Variants in MEIS2 observed in about 807,000 individuals in gnomAD.
MEIS2 encodes Meis homeobox 2.
Under a neutral mutation model 58.6 loss-of-function variants are expected in MEIS2, and 9 were observed. The ratio of observed to expected loss-of-function variants is 0.15; its 90% CI spans 0.09 to 0.27. The LOEUF is 0.27. Ranked by LOEUF, MEIS2 falls within the 10% of genes least tolerant of loss-of-function variation. The pLI is 1.00. For missense variants in MEIS2, 427 were observed against 635.0 expected, an observed-to-expected ratio of 0.67 and a Z score of 3.52; for synonymous variants, 221 against 228.4, an observed-to-expected ratio of 0.97 and a Z score of 0.29.
intron 8 of MEIS2, among the ~76,000 whole-genome samples, chr15:36,951,337 C>A (rs993875171): frequency 2.0e-5 from 3 of 151,996 alleles, no homozygotes; most frequent in African/African-American, 7.2e-5. Flanking sequence ...CACTGATTTT[C>A]TTAAACAAAA....
intron 7 of MEIS2, among the ~76,000 whole-genome samples, chr15:37,070,083 C>G (rs931895308): frequency 6.6e-6 from 1 of 152,070 alleles, no homozygotes; most frequent in African/African-American, 2.4e-5. Context: ...CTCATTTATA[C>G]ATTTTAGAGG....
chr15:37,077,148 G>A (rs760702349), intron 7 of MEIS2, among the ~76,000 whole-genome samples: 1 of 152,052 alleles, frequency 6.6e-6, no homozygotes, highest in East Asian at 1.9e-4. Flanking sequence ...TACTAACTCA[G>A]TAGTGACATA....
chr15:36,957,979 C>T lies in MEIS2; in HGVS notation c.901-7579G>A, dbSNP rs562353845. ...ATGTTTGGTGTTATGGAAATGCAGG[C>T]TTCACATTCAAATTAGTAATGTTTT... On this transcript the variant is annotated intron_variant, in intron 8 of 11. Coordinates refer to ENST00000561208, the MANE Select transcript of MEIS2 (RefSeq NM_170675.5). 2.0e-5 allele frequency among the ~76,000 whole-genome samples: 3 copies of T among 152,244 alleles called. No homozygotes were observed. In the South Asian group the frequency reaches 6.2e-4, roughly 32 times the overall value.
At chr15:37,072,504 T>C (rs1713405459) in intron 7 of MEIS2, among the ~76,000 whole-genome samples, 2 of 152,246 alleles carry the variant, frequency 1.3e-5, no homozygotes, top group Non-Finnish European at 2.9e-5. Context: ...CCTCTTTTTT[T>C]TCACCATGCA....
At chr15:36,927,599 T>C (rs1442528465) in intron 9 of MEIS2, among the ~76,000 whole-genome samples, 1 of 151,758 alleles carries the variant, frequency 6.6e-6, no homozygotes, top group Admixed American at 6.6e-5. Flanking sequence ...TCTCACAGCA[T>C]CTTGACGTTA....
At chr15:37,013,934 C>G (rs184500497) in intron 8 of MEIS2, among the ~76,000 whole-genome samples, 1 of 152,240 alleles carries the variant, frequency 6.6e-6, no homozygotes, top group Non-Finnish European at 1.5e-5. Flanking sequence ...TAACTTCACA[C>G]TTGAGCATAC....
chr15:37,015,156 G>A (rs1221053592), intron 8 of MEIS2, among the ~76,000 whole-genome samples: 1 of 152,196 alleles, frequency 6.6e-6, no homozygotes, highest in Non-Finnish European at 1.5e-5. Context: ...GAAAATTCAC[G>A]TATCACAGGG....
At chr15:37,020,672 G>GTC (rs1439623864) in intron 8 of MEIS2, among the ~76,000 whole-genome samples, 11 of 130,544 alleles carry the variant, frequency 8.4e-5, no homozygotes, top group Admixed American at 2.3e-4. Context: ...TGGCATTCTG[G>GTC]TCTTTTTTTT....
intron 1 of MEIS2, chr15:37,098,413 A>AGAGAGG (rs1894635722): frequency 8.4e-7 from 1 of 1,189,564 alleles, no homozygotes; most frequent in East Asian, 3.1e-5. Flanking sequence ...AGAGAGAGAG[A>AGAGAGG]GAGAGAGAGA....
upstream of MEIS2, chr15:37,100,568 G>A (rs1255876907): frequency 2.0e-5 from 3 of 151,442 alleles, no homozygotes; most frequent in Non-Finnish European, 3.0e-5. Context: ...AGCCCCGGCT[G>A]GGGGGGTGGG....
intron 8 of MEIS2, 128 bp from the exon 9 acceptor site, chr15:36,950,528 T>C: frequency 1.2e-6 from 1 of 855,564 alleles, no homozygotes; most frequent in Non-Finnish European, 1.8e-6. Flanking sequence ...GCATCTTTTT[T>C]ATCATGTGTT....
chr15:36,998,165 GT>G (rs2060592992), intron 8 of MEIS2, among the ~76,000 whole-genome samples: 1 of 148,568 alleles, frequency 6.7e-6, no homozygotes, highest in Non-Finnish European at 1.5e-5. Flanking sequence ...TGGTACCATA[GT>G]TTAAAGCCAG....
intron 8 of MEIS2, among the ~76,000 whole-genome samples, chr15:36,994,428 T>C (rs2060404650): frequency 6.6e-6 from 1 of 152,208 alleles, no homozygotes; most frequent in South Asian, 2.1e-4. Context: ...TGTGAAATCA[T>C]TTATAAGACT....
intron 6 of MEIS2, among the ~76,000 whole-genome samples, chr15:37,087,363 A>G (rs887287132): frequency 6.6e-6 from 1 of 152,170 alleles, no homozygotes; most frequent in Non-Finnish European, 1.5e-5. Flanking sequence ...CAATAGAAGG[A>G]GATGGAAAAT....
intron 8 of MEIS2, among the ~76,000 whole-genome samples, chr15:36,970,220 G>T (rs1298823720): frequency 1.3e-5 from 2 of 152,068 alleles, no homozygotes; most frequent in Non-Finnish European, 2.9e-5. Flanking sequence ...TGGCTAACAT[G>T]GTGAAACCCC....
In MEIS2 at chr15:36,956,364, G is replaced by C. The variant is rs372210942; in HGVS notation, c.901-5964C>G. Among the ~76,000 whole-genome samples the C allele has an allele frequency of 3.3e-5, 5 of 152,156 alleles. No individual in the cohort carries two copies. The South Asian group carries it at 1.0e-3, about 32-fold the overall frequency. On this transcript the variant is annotated intron_variant, in intron 8 of 11. Transcript: ENST00000561208. ...CCACCTGCTATCCTAACATTTAGTG[G>C]AGGACTTTTCCACTCTAACATTAAT... is the stretch of plus-strand genomic sequence containing the variant.
intron 8 of MEIS2, among the ~76,000 whole-genome samples, chr15:36,974,686 A>G (rs1427753606): frequency 6.6e-6 from 1 of 152,196 alleles, no homozygotes; most frequent in Non-Finnish European, 1.5e-5. Flanking sequence ...TATCAGATGG[A>G]TATGGCATGA....
chr15:37,018,873 G>A lies in MEIS2; in HGVS notation c.900+17941C>T, dbSNP rs543111800. Reference sequence around the variant, plus strand: ...TAAAAACAGGCCAGGGAATGGAGAAGTCTGGAGTGCTGTGGCCCCATCGCT... The same window carrying A: ...TAAAAACAGGCCAGGGAATGGAGAAATCTGGAGTGCTGTGGCCCCATCGCT... On this transcript the variant is annotated intron_variant, in intron 8 of 11. Transcript: ENST00000561208. Among the ~76,000 whole-genome samples the A allele has an allele frequency of 1.1e-4, 16 of 152,282 alleles. No homozygotes were observed. In the South Asian group the frequency reaches 2.5e-3, roughly 24 times the overall value.
chr15:37,032,702 T>C (rs2061979574), intron 8 of MEIS2, among the ~76,000 whole-genome samples: 6 of 152,098 alleles, frequency 3.9e-5, no homozygotes, highest in Admixed American at 3.9e-4. Context: ...TTTTTGCTAG[T>C]TGAATTTCTA....
Sources: gnomAD v4.1 joint callset for allele counts (sites outside exome capture counted in the v4.1 genomes callset) on GRCh38, gnomAD v4.1.1 for gene constraint, MANE v1.5 for transcripts, NCBI Gene and HGNC (gene_info 2026-07-23, HGNC 2026-07-21) for gene names.